PTPRM: variants seen among roughly 807,000 people sequenced by gnomAD.
PTPRM encodes protein tyrosine phosphatase receptor type M, also known as receptor-type tyrosine-protein phosphatase mu.
PTPRM carries 47 observed loss-of-function variants against 186.7 expected under a neutral mutation model. The ratio of observed to expected loss-of-function variants is 0.25; its 90% CI spans 0.20 to 0.32. PTPRM has a LOEUF of 0.32. Among genes scored for constraint, PTPRM ranks in the 10% least tolerant of loss-of-function variants. PTPRM has a pLI of 1.00. For missense variants in PTPRM, 1,494 were observed against 1,865.0 expected (o/e 0.80, Z 3.66); for synonymous variants, 668 against 674.9 (o/e 0.99, Z 0.16).
chr18:7,568,096 G>T lies in PTPRM; in HGVS notation c.73+205G>T, dbSNP rs2036473213. Among the ~76,000 whole-genome samples the T allele has an allele frequency of 6.6e-6, 1 of 151,944 alleles. No homozygotes were observed. The highest frequency in any genetic ancestry group is 6.6e-5 in the Admixed American group (1 of 15,250). On this transcript the variant is annotated intron_variant, in intron 1 of 32. Coordinates refer to ENST00000580170, the MANE Select transcript of PTPRM (RefSeq NM_001105244.2). The surrounding 1 kb of genome is among the most constrained non-coding windows in gnomAD (Gnocchi z 5.1). Reference sequence around the variant, plus strand: ...GCAGGCACCCAGTCCTCGGGCGGGCGGAGCGGACGGACCCCGAGGGCGAGC... The same window carrying T: ...GCAGGCACCCAGTCCTCGGGCGGGCTGAGCGGACGGACCCCGAGGGCGAGC...
rs542235146 is a variant in PTPRM, at chr18:7,778,134, T to C, written c.196+3863T>C. 5.4e-4 allele frequency among the ~76,000 whole-genome samples: 83 copies of C among 152,364 alleles called. 1 individual carries two copies. The highest frequency in any genetic ancestry group is 5.3e-3 in the Admixed American group (81 of 15,304). ...ATAGATTTGTTTCCCCATATCCTTATGTGTGAGGTTATTTTTAACCACATT... is the reference window on the plus strand; with the variant it reads ...ATAGATTTGTTTCCCCATATCCTTACGTGTGAGGTTATTTTTAACCACATT... On this transcript the variant is annotated intron_variant, in intron 2 of 32. Coordinates refer to ENST00000580170, the MANE Select transcript of PTPRM (RefSeq NM_001105244.2).
intron 5 of PTPRM, among the ~76,000 whole-genome samples, chr18:7,943,152 C>T (rs1470916936): frequency 1.3e-5 from 2 of 152,108 alleles, no homozygotes; most frequent in Non-Finnish European, 2.9e-5. Context: ...CTCCTGTTGC[C>T]TCACCCAGCT....
chr18:7,889,371 C>T (rs1302875824), intron 3 of PTPRM, among the ~76,000 whole-genome samples: 1 of 128,138 alleles, frequency 7.8e-6, no homozygotes, highest in Non-Finnish European at 1.6e-5. Context: ...GGGACTCGTT[C>T]CATCACCCGG....
At position 8,331,551 on chromosome 18, in the gene PTPRM, C is replaced by T. The variant is rs367712962; in HGVS notation, c.2957-11872C>T. 2.6e-5 allele frequency among the ~76,000 whole-genome samples: 4 copies of T among 152,330 alleles called. No individual in the cohort carries two copies. The South Asian group carries it at 6.2e-4, about 24-fold the overall frequency. On this transcript the variant is annotated intron_variant, in intron 22 of 32. Coordinates refer to ENST00000580170, the MANE Select transcript of PTPRM (RefSeq NM_001105244.2). ...CAAGTAACCTCTCAATAGATATTAG[C>T]TACTTATTGTTATTATCATTTTGTA... is the stretch of plus-strand genomic sequence containing the variant.
At chr18:7,817,524 G>T (rs1285196648) in intron 2 of PTPRM, among the ~76,000 whole-genome samples, 2 of 152,064 alleles carry the variant, frequency 1.3e-5, no homozygotes, top group African/African-American at 4.8e-5. Context: ...CTTGCACTTG[G>T]ATAAAATATA....
Position 8,399,869 on chromosome 18 carries a change from G to A in PTPRM, c.4344+5258G>A, listed in dbSNP as rs556472456. On this transcript the variant is annotated intron_variant, in intron 32 of 32. Coordinates refer to ENST00000580170, the MANE Select transcript of PTPRM (RefSeq NM_001105244.2). ...AATCGACAACTAAAAGCCATTAGAC[G>A]AAAATTCCAAATAGAATGTAGCCGG... 3.9e-5 allele frequency: 6 copies of A among 152,386 alleles called. No homozygotes were observed. The East Asian group carries it at 9.6e-4, about 25-fold the overall frequency. The allele number at this position is 152,386 out of a possible 1,614,324, so 9.4% of individuals were successfully genotyped here.
Position 7,684,192 on chromosome 18 carries a change from C to T in PTPRM, c.74-89957C>T, listed in dbSNP as rs763031212. 2.6e-5 allele frequency among the ~76,000 whole-genome samples: 4 copies of T among 151,682 alleles called. No individual in the cohort carries two copies. The South Asian group carries it at 6.3e-4, about 24-fold the overall frequency. On this transcript the variant is annotated intron_variant, in intron 1 of 32. Coordinates refer to ENST00000580170, the MANE Select transcript of PTPRM (RefSeq NM_001105244.2). ...GTACATGCCTGTAGTCCTAGCTATT[C>T]GGGAGACTGAGGCAGGAGGATTCCT... is the stretch of plus-strand genomic sequence containing the variant.
intron 14 of PTPRM, among the ~76,000 whole-genome samples, chr18:8,205,525 C>T (rs1248924510): frequency 6.6e-6 from 1 of 152,096 alleles, no homozygotes; most frequent in African/African-American, 2.4e-5. Flanking sequence ...AGTATTTTGA[C>T]ATTTTAGAGT....
intron 31 of PTPRM, among the ~76,000 whole-genome samples, chr18:8,392,456 C>A (rs2095819870): frequency 6.6e-6 from 1 of 151,982 alleles, no homozygotes. Flanking sequence ...AACCCCATCT[C>A]TACTAAAAAA....
chr18:7,715,139 C>T (rs1006038607), intron 1 of PTPRM, among the ~76,000 whole-genome samples: 1 of 152,154 alleles, frequency 6.6e-6, no homozygotes, highest in Non-Finnish European at 1.5e-5. Context: ...TCCAGCAACA[C>T]ATCAAAAAGC....
Position 8,394,596 on chromosome 18 carries a change from C to T in PTPRM, c.4329C>T (p.Asn1443=), listed in dbSNP as rs2095836600. Residue 1443 remains asparagine (N), a synonymous_variant, in exon 32 of 33, where the codon AAC becomes AAT. Coordinates refer to ENST00000580170, the MANE Select transcript of PTPRM (RefSeq NM_001105244.2). The part of the protein sequence containing the change: ...AVKTLRNNKP[N]MVDLLDQYKF... ...AGACACTGAGGAACAACAAGCCCAA[C>T]ATGGTCGACCTCCTGGTAGGACACC... 6.2e-7 allele frequency: 1 copy of T among 1,611,148 alleles called. No homozygotes were observed. Among genetic ancestry groups the T allele is most frequent in the African/African-American group, 1.3e-5 (1 of 74,916 alleles).
chr18:7,858,409 A>C lies in PTPRM; in HGVS notation c.197-29697A>C, dbSNP rs547602712. ...CCGTCTCTTATTAAAAAAAAAATTA[A>C]ATAAGCCAGGCATCATGGCTTGCCT... On this transcript the variant is annotated intron_variant, in intron 2 of 32. Coordinates refer to ENST00000580170, the MANE Select transcript of PTPRM (RefSeq NM_001105244.2). 3.9e-5 allele frequency among the ~76,000 whole-genome samples: 6 copies of C among 152,126 alleles called. No individual in the cohort carries two copies. The East Asian group carries it at 1.2e-3, about 30-fold the overall frequency.
intron 7 of PTPRM, among the ~76,000 whole-genome samples, chr18:8,023,717 C>A (rs1051739893): frequency 7.3e-5 from 11 of 151,628 alleles, no homozygotes; most frequent in Non-Finnish European, 1.3e-4. Context: ...CACAGGAAAA[C>A]TTTTTTAAAA....
At chr18:7,681,035 G>A (rs779968419) in intron 1 of PTPRM, among the ~76,000 whole-genome samples, 7 of 152,172 alleles carry the variant, frequency 4.6e-5, no homozygotes, top group South Asian at 2.1e-4. Flanking sequence ...TGAACAGTGC[G>A]TAGGTCCTCC....
intron 1 of PTPRM, among the ~76,000 whole-genome samples, chr18:7,623,597 A>T (rs1192221532): frequency 2.0e-5 from 3 of 152,088 alleles, no homozygotes; most frequent in Non-Finnish European, 4.4e-5. Flanking sequence ...TCCATAATTT[A>T]TATATTATTT....
intron 1 of PTPRM, among the ~76,000 whole-genome samples, chr18:7,623,824 C>T (rs528296289): frequency 6.6e-6 from 1 of 152,196 alleles, no homozygotes; most frequent in Admixed American, 6.5e-5. Flanking sequence ...ATTGTTCCTC[C>T]TAAAAAAACA....
chr18:8,171,038 G>T (rs2093393287), intron 14 of PTPRM, among the ~76,000 whole-genome samples: 1 of 152,182 alleles, frequency 6.6e-6, no homozygotes, highest in South Asian at 2.1e-4. Context: ...TTTGCTGAGG[G>T]CTAAGAGATG....
At chr18:7,747,287 A>T (rs1490252564) in intron 1 of PTPRM, among the ~76,000 whole-genome samples, 1 of 152,170 alleles carries the variant, frequency 6.6e-6, no homozygotes, top group Non-Finnish European at 1.5e-5. Context: ...CACTCTAGAG[A>T]TGCACCACAT....
chr18:7,872,096 T>C (rs1485572234), intron 2 of PTPRM, among the ~76,000 whole-genome samples: 1 of 152,224 alleles, frequency 6.6e-6, no homozygotes, highest in South Asian at 2.1e-4. Flanking sequence ...TTATCCGTCA[T>C]TGGTGATATA....
Sources: gnomAD v4.1 joint callset for allele counts (sites outside exome capture counted in the v4.1 genomes callset) on GRCh38, gnomAD v4.1.1 for gene constraint, Gnocchi (gnomAD v3.1) non-coding constraint, MANE v1.5 for transcripts, NCBI Gene and HGNC (gene_info 2026-07-23, HGNC 2026-07-21) for gene names.